Variants in KDM5B observed in about 807,000 individuals in gnomAD.
KDM5B encodes the protein lysine demethylase 5B, also known as lysine-specific demethylase 5B.
KDM5B carries 144 observed loss-of-function variants against 193.4 expected under a neutral mutation model. The observed-to-expected ratio is 0.74, with a 90% confidence interval of 0.65 to 0.86. KDM5B has a LOEUF of 0.86. Among genes scored for constraint, KDM5B ranks in the 40% least tolerant of loss-of-function variants. The pLI is 0.00. For synonymous variants in KDM5B, 668 were observed against 682.6 expected (o/e 0.98, Z 0.33); for missense variants, 1,833 against 1,886.9 (o/e 0.97, Z 0.53).
intron 4 of KDM5B, among the ~76,000 whole-genome samples, chr1:202,770,344 G>T (rs906604845): frequency 1.3e-5 from 2 of 152,016 alleles, no homozygotes; most frequent in Admixed American, 6.6e-5. Flanking sequence ...TGTTCCACTG[G>T]AACAGTGCAT....
chr1:202,729,905 G>A lies in KDM5B; in HGVS notation c.4299C>T (p.Pro1433=). ...RWERVKKMRT[P]KKKKIKLSHP... ...GGCTCAGTTTGATTTTCTTCTTTTT[G>A]GGGGTCCGCATTTTCTTAACTCGTT... The change falls in exon 26 of 27, where the codon CCC becomes CCT. Residue 1433 remains proline (P), a synonymous_variant. Coordinates refer to ENST00000367265, the MANE Select transcript of KDM5B (RefSeq NM_006618.5). 1 of 1,614,074 alleles carries A rather than the reference G, an allele frequency of 6.2e-7. No individual in the cohort carries two copies. The highest frequency in any genetic ancestry group is 8.5e-7 in the Non-Finnish European group (1 of 1,179,988).
intron 6 of KDM5B, among the ~76,000 whole-genome samples, chr1:202,763,297 G>C (rs1572739193): frequency 6.6e-6 from 1 of 152,140 alleles, no homozygotes; most frequent in African/African-American, 2.4e-5. Flanking sequence ...GAACTATCAT[G>C]TGGTAGGCAT....
In KDM5B at chr1:202,733,582, C is replaced by T. The variant is rs754908811; in HGVS notation, c.3728G>A (p.Arg1243Gln). The T allele has an allele frequency of 9.3e-6, 15 of 1,613,990 alleles. No homozygotes were observed. The highest frequency in any genetic ancestry group is 2.2e-5 in the South Asian group (2 of 91,084). The change falls in exon 23 of 27, where the codon CGA (arginine) becomes CAA (glutamine). Residue 1243 changes from arginine to glutamine, a missense_variant. Physicochemically the swap from Arg to Gln is conservative, Grantham distance 43 (BLOSUM62 1). This residue lies in a region of KDM5B where 1,379 missense variants were observed against 1,349.6 expected (regional missense o/e 1.02). Transcript: ENST00000367265. ...LPLLASLQRIRVRLPEGDALR... is the reference protein window; with the variant it reads ...LPLLASLQRIQVRLPEGDALR... The stretch of plus-strand genomic sequence containing the variant: ...TGCATCTCCCTCAGGAAGGCGAACT[C>T]GGATACGCTGAAGGGAGGCGAGCAG...
At chr1:202,775,673 T>C (rs1656912808) in intron 2 of KDM5B, among the ~76,000 whole-genome samples, 1 of 150,396 alleles carries the variant, frequency 6.6e-6, no homozygotes, top group Non-Finnish European at 1.5e-5. Flanking sequence ...CTGGCCAACA[T>C]GGTGAAACCC....
intron 1 of KDM5B, among the ~76,000 whole-genome samples, chr1:202,784,939 CATG>C (rs1485695516): frequency 4.7e-5 from 7 of 148,368 alleles, no homozygotes; most frequent in Non-Finnish European, 1.0e-4. Context: ...GAGGTTGAGG[CATG>C]ATAATTGCTT....
chr1:202,750,580 G>T, intron 13 of KDM5B, 79 bp downstream of exon 13: 1 of 1,503,762 alleles, frequency 6.6e-7, no homozygotes, highest in South Asian at 1.2e-5. Flanking sequence ...CAGCCCACAT[G>T]ACACTTTAAA....
At chr1:202,794,194 G>C (rs994016956) in intron 1 of KDM5B, among the ~76,000 whole-genome samples, 2 of 152,130 alleles carry the variant, frequency 1.3e-5, no homozygotes, top group African/African-American at 4.8e-5. Flanking sequence ...GCCTGGCAAG[G>C]ATGAGATATT....
chr1:202,750,870 A>T (rs545124002), intron 12 of KDM5B, 92 bp from the exon 13 acceptor site: 2 of 1,315,174 alleles, frequency 1.5e-6, no homozygotes, highest in African/African-American at 2.9e-5. Flanking sequence ...GATAATTTTC[A>T]AAAAAAGGCA....
At chr1:202,739,275 G>A (rs1356650289) in intron 20 of KDM5B, among the ~76,000 whole-genome samples, 1 of 152,130 alleles carries the variant, frequency 6.6e-6, no homozygotes, top group South Asian at 2.1e-4. Flanking sequence ...GAAAAAGTTG[G>A]TGACACTGTC....
chr1:202,755,060 G>A (rs753135628), intron 11 of KDM5B, among the ~76,000 whole-genome samples: 10 of 152,172 alleles, frequency 6.6e-5, no homozygotes, highest in Admixed American at 4.6e-4. Flanking sequence ...AGTAGTGTGT[G>A]TGCAATTTCA....
chr1:202,788,073 C>T (rs139507736), intron 1 of KDM5B, among the ~76,000 whole-genome samples: 3,841 of 152,244 alleles, frequency 0.025, 69 homozygotes, highest in Non-Finnish European at 0.038. Context: ...ATCTGTCCTT[C>T]CAAAGAACTC....
intron 5 of KDM5B, among the ~76,000 whole-genome samples, 161 bp from the exon 6 acceptor site, chr1:202,764,306 G>A (rs558191754): frequency 2.0e-5 from 3 of 152,228 alleles, no homozygotes; most frequent in South Asian, 2.1e-4. Context: ...GCTCACCTTT[G>A]AAACTACTAT....
At chr1:202,786,063 A>G (rs1392741582) in intron 1 of KDM5B, among the ~76,000 whole-genome samples, 1 of 151,830 alleles carries the variant, frequency 6.6e-6, no homozygotes, top group Admixed American at 6.6e-5. Context: ...GCAATGGCAT[A>G]AACTTGGCTC....
chr1:202,762,935 G>C (rs1656311936), intron 6 of KDM5B, 127 bp from the exon 7 acceptor site: 1 of 644,294 alleles, frequency 1.6e-6, no homozygotes, highest in African/African-American at 1.8e-5. Flanking sequence ...AGTAGCAATA[G>C]CACCCAGTAT....
At chr1:202,795,686 G>T (rs1171373836) in intron 1 of KDM5B, among the ~76,000 whole-genome samples, 2 of 151,314 alleles carry the variant, frequency 1.3e-5, no homozygotes, top group African/African-American at 4.9e-5. Flanking sequence ...CTCTACATGG[G>T]TTTACCTAAG....
chr1:202,782,166 T>C (rs1475550340), intron 1 of KDM5B, among the ~76,000 whole-genome samples: 1 of 152,066 alleles, frequency 6.6e-6, no homozygotes, highest in South Asian at 2.1e-4. Context: ...GCATGAAAAA[T>C]GGATCACTAC....
intron 20 of KDM5B, among the ~76,000 whole-genome samples, chr1:202,737,326 TG>T (rs1360527556): frequency 6.6e-6 from 1 of 152,164 alleles, no homozygotes; most frequent in Non-Finnish European, 1.5e-5. Flanking sequence ...TCTAATTCAG[TG>T]GGTCAGAGGA....
chr1:202,777,886 T>A (rs1468939042), intron 1 of KDM5B, among the ~76,000 whole-genome samples: 11 of 152,164 alleles, frequency 7.2e-5, no homozygotes, highest in African/African-American at 2.6e-4. Context: ...ATTTTAAAAG[T>A]CATCCTTGGC....
intron 4 of KDM5B, among the ~76,000 whole-genome samples, chr1:202,771,069 G>A (rs1656691838): frequency 6.6e-6 from 1 of 152,062 alleles, no homozygotes; most frequent in Non-Finnish European, 1.5e-5. Flanking sequence ...ATCATTAAAG[G>A]GACTCTCTCT....
Sources: allele counts gnomAD v4.1 joint callset (sites outside exome capture counted in the v4.1 genomes callset), GRCh38; gene constraint gnomAD v4.1.1; regional missense constraint gnomAD v4.1.1; transcripts MANE v1.5; gene names NCBI Gene and HGNC (gene_info 2026-07-23, HGNC 2026-07-21).